Variants in SLC24A3 observed in about 807,000 individuals in gnomAD.
SLC24A3 encodes solute carrier family 24 member 3, also known as sodium/potassium/calcium exchanger 3.
SLC24A3 carries 28 observed loss-of-function variants against 75.8 expected under a neutral mutation model. The ratio of observed to expected loss-of-function variants is 0.37; its 90% CI spans 0.27 to 0.51. The LOEUF (loss-of-function observed/expected upper bound fraction) is 0.51, where lower values mean the gene tolerates loss of function less well. Among genes scored for constraint, SLC24A3 ranks in the 20% least tolerant of loss-of-function variants. The probability of loss-of-function intolerance (pLI) is 0.94; values close to 1 mark genes in which losing one functional copy is unlikely to be tolerated. For missense variants in SLC24A3, 663 were observed against 847.8 expected (o/e 0.78, Z 2.71); for synonymous variants, 372 against 334.1 (o/e 1.11, Z -1.24).
rs1042552085 is a variant in SLC24A3, at chr20:19,698,892, C to T, written c.1719+212C>T. ...GCAGGGGCCAGCAAACTTTTTCTGTCGAGGGGCAAATACTAAATATTTTAG... is the reference window on the plus strand; with the variant it reads ...GCAGGGGCCAGCAAACTTTTTCTGTTGAGGGGCAAATACTAAATATTTTAG... On this transcript the variant is annotated intron_variant, in intron 15 of 16. Transcript: ENST00000328041. Among the ~76,000 whole-genome samples the T allele has an allele frequency of 3.9e-5, 6 of 152,000 alleles. No homozygotes were observed. The East Asian group carries it at 5.8e-4, about 15-fold the overall frequency.
chr20:19,519,690 C>A (rs1241496174), intron 3 of SLC24A3, among the ~76,000 whole-genome samples: 1 of 152,210 alleles, frequency 6.6e-6, no homozygotes, highest in Non-Finnish European at 1.5e-5. Context: ...AGGAAATTTG[C>A]ACCCTATAGA....
intron 3 of SLC24A3, among the ~76,000 whole-genome samples, chr20:19,542,729 G>C (rs1046930408): frequency 1.3e-5 from 2 of 152,176 alleles, no homozygotes; most frequent in African/African-American, 2.4e-5. Context: ...GAGTATTGGT[G>C]GGGGGCTATG....
chr20:19,635,111 G>A (rs1327880658), intron 6 of SLC24A3, among the ~76,000 whole-genome samples: 1 of 152,168 alleles, frequency 6.6e-6, no homozygotes, highest in Admixed American at 6.5e-5. Context: ...TCTCACTGCT[G>A]GTTCTCAGAA....
chr20:19,229,459 G>A (rs1981955992), intron 1 of SLC24A3, among the ~76,000 whole-genome samples: 1 of 152,014 alleles, frequency 6.6e-6, no homozygotes, highest in Non-Finnish European at 1.5e-5. Flanking sequence ...TGCATTTGAT[G>A]TTTAGTGTAG....
At chr20:19,603,398 C>T (rs559140729) in intron 6 of SLC24A3, among the ~76,000 whole-genome samples, 2 of 152,242 alleles carry the variant, frequency 1.3e-5, no homozygotes, top group Admixed American at 6.5e-5. Flanking sequence ...AAAAGAGTTC[C>T]GTGTGGAATG....
chr20:19,651,143 C>T (rs1375807309), intron 6 of SLC24A3, among the ~76,000 whole-genome samples: 1 of 151,836 alleles, frequency 6.6e-6, no homozygotes, highest in Non-Finnish European at 1.5e-5. Context: ...GCTTTACTCC[C>T]TTATTTTGGT....
intron 6 of SLC24A3, among the ~76,000 whole-genome samples, chr20:19,650,852 T>C (rs75082347): frequency 0.065 from 9,920 of 152,254 alleles, 362 homozygotes; most frequent in Middle Eastern, 0.14. Flanking sequence ...TTCTATGTTC[T>C]ATTCTTAGAG....
intron 2 of SLC24A3, among the ~76,000 whole-genome samples, chr20:19,502,217 C>T (rs1280363403): frequency 6.6e-6 from 1 of 151,970 alleles, no homozygotes; most frequent in Non-Finnish European, 1.5e-5. Context: ...GAGCTTGGGT[C>T]CCAGAGCAGC....
intron 2 of SLC24A3, among the ~76,000 whole-genome samples, chr20:19,351,124 G>C (rs1985555725): frequency 6.6e-6 from 1 of 152,142 alleles, no homozygotes; most frequent in Non-Finnish European, 1.5e-5. Flanking sequence ...GGGTCTCTTG[G>C]GAGGGTGATA....
chr20:19,593,420 T>C (rs1160940677), intron 6 of SLC24A3, among the ~76,000 whole-genome samples: 2 of 152,254 alleles, frequency 1.3e-5, no homozygotes, highest in Admixed American at 6.5e-5. Context: ...CCAGTCAGGC[T>C]GGCAGATGCT....
At chr20:19,656,111 C>T (rs755956520) in intron 7 of SLC24A3, among the ~76,000 whole-genome samples, 2 of 152,138 alleles carry the variant, frequency 1.3e-5, no homozygotes, top group Non-Finnish European at 2.9e-5. Context: ...AGTCTTTATA[C>T]AAATAAAATG....
intron 2 of SLC24A3, among the ~76,000 whole-genome samples, chr20:19,283,608 T>G (rs1396876795): frequency 6.6e-6 from 1 of 152,154 alleles, no homozygotes; most frequent in African/African-American, 2.4e-5. Flanking sequence ...CTCAAGGGTG[T>G]AGAGCAAATA....
At chr20:19,369,849 T>C (rs1342876807) in intron 2 of SLC24A3, among the ~76,000 whole-genome samples, 7 of 152,178 alleles carry the variant, frequency 4.6e-5, no homozygotes, top group Non-Finnish European at 7.3e-5. Flanking sequence ...TTTTTTTTTG[T>C]AGAGTTGAGA....
At chr20:19,593,244 T>G (rs1321436585) in intron 6 of SLC24A3, among the ~76,000 whole-genome samples, 2 of 152,202 alleles carry the variant, frequency 1.3e-5, no homozygotes, top group Non-Finnish European at 2.9e-5. Context: ...CACAGGCAAG[T>G]GGGGCTCTTA....
At chr20:19,569,979 C>G (rs935376691) in intron 3 of SLC24A3, among the ~76,000 whole-genome samples, 3 of 152,220 alleles carry the variant, frequency 2.0e-5, no homozygotes, top group African/African-American at 7.2e-5. Context: ...CAGACCCTGA[C>G]AGGTACATTA....
At chr20:19,520,087 G>A (rs2030072089) in intron 3 of SLC24A3, among the ~76,000 whole-genome samples, 1 of 152,198 alleles carries the variant, frequency 6.6e-6, no homozygotes, top group African/African-American at 2.4e-5. Context: ...GTGTGTATGA[G>A]AGTAGAAGGT....
intron 2 of SLC24A3, among the ~76,000 whole-genome samples, chr20:19,493,798 T>TG (rs1266984519): frequency 6.6e-6 from 1 of 152,170 alleles, no homozygotes; most frequent in East Asian, 1.9e-4. Context: ...CCTGAGAGAA[T>TG]GGCTTAGCCC....
intron 1 of SLC24A3, among the ~76,000 whole-genome samples, chr20:19,220,930 T>A (rs1341074926): frequency 6.6e-6 from 1 of 152,266 alleles, no homozygotes; most frequent in East Asian, 1.9e-4. Context: ...CACATTTTGC[T>A]GTTCGTCATT....
At chr20:19,496,483 T>G (rs1269261524) in intron 2 of SLC24A3, among the ~76,000 whole-genome samples, 1 of 152,168 alleles carries the variant, frequency 6.6e-6, no homozygotes, top group African/African-American at 2.4e-5. Flanking sequence ...CTCCTGTGGT[T>G]GGATTCCCAA....
Sources: gnomAD v4.1 joint callset for allele counts (sites outside exome capture counted in the v4.1 genomes callset) on GRCh38, gnomAD v4.1.1 for gene constraint, MANE v1.5 for transcripts, NCBI Gene and HGNC (gene_info 2026-07-23, HGNC 2026-07-21) for gene names.